The following TMCO1 variants were observed in gnomAD, a reference collection of about 807,000 sequenced individuals.
TMCO1 encodes the protein transmembrane and coiled-coil domains 1, also known as calcium load-activated calcium channel.
Under a neutral mutation model 29.3 loss-of-function variants are expected in TMCO1, and 29 were observed. That is an observed-to-expected ratio of 0.99 (90% CI 0.74 to 1.35). The LOEUF is 1.35. Ranked by LOEUF, TMCO1 falls within the 40% of genes most tolerant of loss-of-function variation. The pLI is 0.00. For synonymous variants in TMCO1, 80 were observed against 77.1 expected, an observed-to-expected ratio of 1.04 and a Z score of -0.20; for missense variants, 173 against 225.5, an observed-to-expected ratio of 0.77 and a Z score of 1.49.
chr1:165,763,888 A>G (rs1652483131), intron 2 of TMCO1, among the ~76,000 whole-genome samples: 1 of 152,180 alleles, frequency 6.6e-6, no homozygotes, highest in Non-Finnish European at 1.5e-5. Context: ...CAGCCTCCCA[A>G]AGTGTTGGGA....
rs1189839242 is a variant in TMCO1, at chr1:165,727,942, T to C, written c.*81A>G. 9.2e-7 allele frequency: 1 copy of C among 1,087,736 alleles called. No individual in the cohort carries two copies. Among genetic ancestry groups the C allele is most frequent in the Non-Finnish European group, 1.4e-6 (1 of 726,268 alleles). The allele number at this position is 1,087,736 out of a possible 1,614,324, so 67.4% of individuals were successfully genotyped here. On this transcript the variant is annotated 3_prime_UTR_variant, in exon 7 of 7. Transcript: ENST00000367881. ...AAGAGGCCCAAGTAGTAAGGCTACCTATGGCTCTTGCTACAAAACAGTTGC... is the reference window on the plus strand; with the variant it reads ...AAGAGGCCCAAGTAGTAAGGCTACCCATGGCTCTTGCTACAAAACAGTTGC...
intron 3 of TMCO1, 29 bp from the exon 4 acceptor site, chr1:165,754,303 C>T: frequency 6.4e-7 from 1 of 1,571,878 alleles, no homozygotes; most frequent in Non-Finnish European, 8.8e-7. Context: ...ATGGTTAATA[C>T]ATACAATGCT....
downstream of TMCO1, chr1:165,724,978 TTCTCTCTTTCTCTCTCTCTC>T (rs1418648814): frequency 6.3e-5 from 26 of 409,748 alleles, 1 homozygote; most frequent in African/African-American, 3.6e-4. Context: ...GTGTTCTTTA[TTCTCTCTTTCTCTCTCTCTC>T]TCTCTCTCTC....
intron 6 of TMCO1, among the ~76,000 whole-genome samples, chr1:165,730,493 T>C (rs1476176280): frequency 6.6e-6 from 1 of 152,178 alleles, no homozygotes; most frequent in Non-Finnish European, 1.5e-5. Context: ...TCAACAATAC[T>C]ATAGCTCATT....
chr1:165,732,761 C>T lies in TMCO1; in HGVS notation c.469-4640G>A, dbSNP rs910612668. ...ACCTTCCACTCAATTTTGCTGTGAACCTAAAACTGTTCTAAAAAATAAGGT... is the reference window on the plus strand; with the variant it reads ...ACCTTCCACTCAATTTTGCTGTGAATCTAAAACTGTTCTAAAAAATAAGGT... On this transcript the variant is annotated intron_variant, in intron 6 of 6. Transcript: ENST00000367881. Among the ~76,000 whole-genome samples, 3 of 151,958 alleles carry T rather than the reference C, an allele frequency of 2.0e-5. No individual in the cohort carries two copies. In the South Asian group the frequency reaches 6.2e-4, roughly 32 times the overall value.
chr1:165,761,558 T>C (rs1325249886), intron 2 of TMCO1, among the ~76,000 whole-genome samples: 1 of 151,270 alleles, frequency 6.6e-6, no homozygotes, highest in Admixed American at 6.6e-5. Context: ...CAAAACATCA[T>C]GTACATGGAA....
intron 2 of TMCO1, among the ~76,000 whole-genome samples, chr1:165,766,748 G>A (rs1334138393): frequency 7.0e-6 from 1 of 143,282 alleles, no homozygotes; most frequent in South Asian, 2.2e-4. Context: ...GACAGAGTGA[G>A]ACCCTGTCTC....
At chr1:165,738,121 T>C (rs763374917) in intron 6 of TMCO1, among the ~76,000 whole-genome samples, 2 of 152,160 alleles carry the variant, frequency 1.3e-5, no homozygotes, top group African/African-American at 4.8e-5. Context: ...GGTGAAACCC[T>C]GTCTCTACTA....
At chr1:165,751,490 G>C (rs1651991489) in intron 5 of TMCO1, among the ~76,000 whole-genome samples, 1 of 152,096 alleles carries the variant, frequency 6.6e-6, no homozygotes, top group Non-Finnish European at 1.5e-5. Context: ...AATCACCTGA[G>C]GTTAGGAGTT....
intron 5 of TMCO1, among the ~76,000 whole-genome samples, chr1:165,750,549 A>G (rs924235498): frequency 2.7e-5 from 4 of 149,898 alleles, no homozygotes; most frequent in Admixed American, 6.6e-5. Context: ...CTCAAAAAAA[A>G]AAAGAAAAAA....
chr1:165,767,472 C>T (rs1652615450), intron 2 of TMCO1, among the ~76,000 whole-genome samples: 1 of 152,152 alleles, frequency 6.6e-6, no homozygotes, highest in African/African-American at 2.4e-5. Flanking sequence ...CTGAAGACAC[C>T]ACTTACCTTG....
intron 3 of TMCO1, among the ~76,000 whole-genome samples, chr1:165,757,585 C>T (rs1051066355): frequency 1.3e-5 from 2 of 152,248 alleles, no homozygotes; most frequent in African/African-American, 4.8e-5. Context: ...CAACCTCCAC[C>T]TCCCAGATTC....
chr1:165,768,523 T>C, intron 1 of TMCO1, 159 bp downstream of exon 1: 1 of 1,552,564 alleles, frequency 6.4e-7, no homozygotes, highest in Non-Finnish European at 8.7e-7. Flanking sequence ...CATACTCCCC[T>C]CCTGCTCCTG....
chr1:165,730,516 A>G (rs1558028693), intron 6 of TMCO1, among the ~76,000 whole-genome samples: 1 of 152,078 alleles, frequency 6.6e-6, no homozygotes, highest in Admixed American at 6.6e-5. Context: ...TTAAGAAGAC[A>G]TCTGAAATGA....
chr1:165,743,849 ATCT>A (rs1462035304), intron 5 of TMCO1, among the ~76,000 whole-genome samples: 2 of 150,886 alleles, frequency 1.3e-5, no homozygotes, highest in African/African-American at 4.9e-5. Context: ...AATCTGAAAA[ATCT>A]TCTGATAATT....
intron 5 of TMCO1, among the ~76,000 whole-genome samples, chr1:165,749,632 C>A (rs777368962): frequency 6.6e-6 from 1 of 151,940 alleles, no homozygotes; most frequent in Admixed American, 6.6e-5. Flanking sequence ...CACTGCACTC[C>A]GGCCTGGGTA....
At chr1:165,726,040 G>GAT, downstream of TMCO1, 2 of 689,264 alleles carry the variant, frequency 2.9e-6, no homozygotes, top group Non-Finnish European at 5.3e-6. Flanking sequence ...GGGTATGAGT[G>GAT]ATAGAGTGTG....
At position 165,756,782 on chromosome 1, in the gene TMCO1, T is replaced by C. The variant is rs528749717; in HGVS notation, c.209-2508A>G. Among the ~76,000 whole-genome samples the C allele has an allele frequency of 6.7e-4, 101 of 151,658 alleles. No individual in the cohort carries two copies. In the South Asian group the frequency reaches 0.021, roughly 31 times the overall value. On this transcript the variant is annotated intron_variant, in intron 3 of 6. Transcript: ENST00000367881. ...AACTCCCTTCTTTCAGTGCAGTGGC[T>C]TTACTCTTTATACTCCCTTTTCCCC...
At chr1:165,740,322 G>A (rs952286186) in intron 6 of TMCO1, among the ~76,000 whole-genome samples, 1 of 151,570 alleles carries the variant, frequency 6.6e-6, no homozygotes. Context: ...TGCCTCAGTC[G>A]CCCGAGTAGC....
Sources: allele counts gnomAD v4.1 joint callset (sites outside exome capture counted in the v4.1 genomes callset), GRCh38; gene constraint gnomAD v4.1.1; transcripts MANE v1.5; gene names NCBI Gene and HGNC (gene_info 2026-07-23, HGNC 2026-07-21).